Variants in AUTS2 observed in about 807,000 individuals in gnomAD.
AUTS2 encodes the protein activator of transcription and developmental regulator AUTS2, also known as autism susceptibility gene 2 protein.
AUTS2 carries 17 observed loss-of-function variants against 112.4 expected under a neutral mutation model. The ratio of observed to expected loss-of-function variants is 0.15; its 90% confidence interval spans 0.10 to 0.23. The LOEUF (loss-of-function observed/expected upper bound fraction) is 0.23, where lower values mean the gene tolerates loss of function less well. Among genes scored for constraint, AUTS2 ranks in the 10% least tolerant of loss-of-function variants. AUTS2 has a pLI of 1.00. For missense variants in AUTS2, 1,510 were observed against 1,701.6 expected (o/e 0.89, Z 1.98); for synonymous variants, 751 against 702.7 (o/e 1.07, Z -1.09).
At chr7:70,444,168 G>A (rs960266689) in intron 5 of AUTS2, among the ~76,000 whole-genome samples, 3 of 152,128 alleles carry the variant, frequency 2.0e-5, no homozygotes, top group Admixed American at 6.6e-5. Flanking sequence ...ATACCAGGAG[G>A]GTCATGAGCA....
intron 2 of AUTS2, among the ~76,000 whole-genome samples, chr7:70,016,053 G>C (rs555536245): frequency 6.6e-6 from 1 of 152,076 alleles, no homozygotes; most frequent in Admixed American, 6.6e-5. Flanking sequence ...TGGAAGAAAG[G>C]TTTCATTAGC....
chr7:70,058,419 A>G lies in AUTS2; in HGVS notation c.523-59713A>G, dbSNP rs372856688. 2.0e-5 allele frequency among the ~76,000 whole-genome samples: 3 copies of G among 152,168 alleles called. No individual in the cohort carries two copies. In the East Asian group the frequency reaches 5.8e-4, roughly 29 times the overall value. On this transcript the variant is annotated intron_variant, in intron 2 of 18. Coordinates refer to ENST00000342771, the MANE Select transcript of AUTS2 (RefSeq NM_015570.4). ...TTTCCCTGGAAAGTATGAAATGGGAAAGTTAGGTTTCCATGTACCCCCCCG... is the reference window on the plus strand; with the variant it reads ...TTTCCCTGGAAAGTATGAAATGGGAGAGTTAGGTTTCCATGTACCCCCCCG...
intron 1 of AUTS2, among the ~76,000 whole-genome samples, chr7:69,785,320 A>G (rs11771751): frequency 0.076 from 11,601 of 152,266 alleles, 598 homozygotes; most frequent in African/African-American, 0.14. Context: ...TCACCATCAC[A>G]GTTGCTTTCA....
chr7:69,913,277 C>G (rs996757279), intron 2 of AUTS2, among the ~76,000 whole-genome samples: 1 of 152,068 alleles, frequency 6.6e-6, no homozygotes, highest in African/African-American at 2.4e-5. Context: ...TCTTATGATC[C>G]TTTGTTTATA....
chr7:69,652,319 A>G (rs568895078), intron 1 of AUTS2, among the ~76,000 whole-genome samples: 1 of 151,976 alleles, frequency 6.6e-6, no homozygotes, highest in Admixed American at 6.6e-5. Flanking sequence ...ATGTAGCAAA[A>G]TAGGCTGTCT....
chr7:70,361,856 C>G (rs1327044500), intron 4 of AUTS2, among the ~76,000 whole-genome samples: 1 of 152,076 alleles, frequency 6.6e-6, no homozygotes, highest in Non-Finnish European at 1.5e-5. Context: ...CAGAGAACTT[C>G]AAGAAGATAA....
chr7:70,669,053 AATG>A (rs1160365597), intron 5 of AUTS2, among the ~76,000 whole-genome samples: 8 of 152,226 alleles, frequency 5.3e-5, no homozygotes, highest in Admixed American at 1.3e-4. Flanking sequence ...TCATTGTCGT[AATG>A]ATTTGTAAAA....
At chr7:69,878,320 A>G (rs1026042430) in intron 1 of AUTS2, among the ~76,000 whole-genome samples, 2 of 152,166 alleles carry the variant, frequency 1.3e-5, no homozygotes, top group African/African-American at 4.8e-5. Context: ...AAACCTTATT[A>G]TGTCCAATTT....
intron 4 of AUTS2, among the ~76,000 whole-genome samples, chr7:70,164,847 C>T (rs574660304): frequency 2.7e-5 from 4 of 150,740 alleles, no homozygotes; most frequent in Admixed American, 1.3e-4. Context: ...GACACACTCA[C>T]GTAAGATAAA....
At chr7:70,343,727 G>A (rs1343420747) in intron 4 of AUTS2, among the ~76,000 whole-genome samples, 1 of 152,066 alleles carries the variant, frequency 6.6e-6, no homozygotes, top group Non-Finnish European at 1.5e-5. Flanking sequence ...GAGAAGGTGG[G>A]GCATTTGTGA....
chr7:70,640,421 G>GAAAAAAAAAAAAAA (rs57911940), intron 5 of AUTS2, among the ~76,000 whole-genome samples: 3 of 93,636 alleles, frequency 3.2e-5, no homozygotes, highest in East Asian at 3.8e-4. Context: ...CTCACAGGGG[G>GAAAAAAAAAAAAAA]AAAAAAAAAA....
chr7:70,773,270 G>A (rs1790474964), intron 11 of AUTS2, among the ~76,000 whole-genome samples: 1 of 152,122 alleles, frequency 6.6e-6, no homozygotes, highest in Non-Finnish European at 1.5e-5. Context: ...TAGAAGTTGT[G>A]ATTTCTTCCA....
At chr7:70,661,962 T>C (rs771821926) in intron 5 of AUTS2, among the ~76,000 whole-genome samples, 4 of 152,052 alleles carry the variant, frequency 2.6e-5, no homozygotes, top group Non-Finnish European at 5.9e-5. Context: ...AACGCCTTCC[T>C]TTCCTGCAGG....
intron 4 of AUTS2, among the ~76,000 whole-genome samples, chr7:70,330,552 G>A (rs1345058637): frequency 3.9e-5 from 6 of 152,156 alleles, no homozygotes; most frequent in Non-Finnish European, 7.3e-5. Flanking sequence ...TTTGAAATCA[G>A]GAAGTATAAG....
intron 13 of AUTS2, chr7:70,776,815 G>A (rs1485522760): frequency 4.4e-6 from 2 of 456,290 alleles, no homozygotes; most frequent in Non-Finnish European, 8.0e-6. Context: ...AAGAGGCACA[G>A]AGTGGGATTC....
intron 5 of AUTS2, among the ~76,000 whole-genome samples, chr7:70,518,203 A>AT (rs945319475): frequency 4.6e-5 from 7 of 152,272 alleles, no homozygotes; most frequent in African/African-American, 1.7e-4. Flanking sequence ...TTCTAAAATT[A>AT]TTTTTTACAA....
chr7:70,235,761 C>T (rs1812293701), intron 4 of AUTS2, among the ~76,000 whole-genome samples: 1 of 151,822 alleles, frequency 6.6e-6, no homozygotes, highest in African/African-American at 2.4e-5. Flanking sequence ...AAGTGATTCT[C>T]CTGCCTCAGC....
intron 5 of AUTS2, among the ~76,000 whole-genome samples, chr7:70,581,553 A>G (rs1241099964): frequency 1.3e-5 from 2 of 152,152 alleles, no homozygotes; most frequent in Non-Finnish European, 2.9e-5. Context: ...CAAAGAAAAA[A>G]AAATGTTGAG....
chr7:70,386,637 A>G (rs141783794), intron 4 of AUTS2, among the ~76,000 whole-genome samples: 7 of 152,292 alleles, frequency 4.6e-5, no homozygotes, highest in Non-Finnish European at 1.0e-4. Context: ...TATATCTGCA[A>G]GTGTCTCTAA....
Sources: allele counts gnomAD v4.1 joint callset (sites outside exome capture counted in the v4.1 genomes callset), GRCh38; gene constraint gnomAD v4.1.1; transcripts MANE v1.5; gene names NCBI Gene and HGNC (gene_info 2026-07-23, HGNC 2026-07-21).